Variants in AIG1 observed in about 807,000 individuals in gnomAD.
AIG1 encodes the protein androgen-induced gene 1 protein.
In AIG1, 23 loss-of-function variants were observed where a neutral mutation model predicts 31.4. That is an observed-to-expected ratio of 0.73 (90% CI 0.53 to 1.04). The LOEUF is 1.04. Among genes scored for constraint, AIG1 ranks in the 50% least tolerant of loss-of-function variants. AIG1 has a pLI of 0.00. For missense variants in AIG1, 274 were observed against 295.0 expected (o/e 0.93, Z 0.52); for synonymous variants, 100 against 110.5 (o/e 0.90, Z 0.60).
chr6:143,096,038 C>G (rs1409960423), intron 1 of AIG1, among the ~76,000 whole-genome samples: 1 of 151,496 alleles, frequency 6.6e-6, no homozygotes, highest in Non-Finnish European at 1.5e-5. Context: ...TCCCGAGTAG[C>G]TGGGACTACA....
At chr6:143,189,691 A>G in intron 3 of AIG1, 1 of 985,356 alleles carries the variant, frequency 1.0e-6, no homozygotes. Flanking sequence ...CTGTACCTAA[A>G]TGTTTTTAAC....
intron 4 of AIG1, among the ~76,000 whole-genome samples, chr6:143,295,507 C>T (rs1798363999): frequency 6.6e-6 from 1 of 152,190 alleles, no homozygotes; most frequent in Non-Finnish European, 1.5e-5. Context: ...TAGCTCCAGA[C>T]ACAGTGATCT....
intron 3 of AIG1, among the ~76,000 whole-genome samples, chr6:143,245,202 C>T (rs1794534859): frequency 6.6e-6 from 1 of 152,024 alleles, no homozygotes; most frequent in African/African-American, 2.4e-5. Flanking sequence ...AAAACACTTT[C>T]TCTCACATAC....
chr6:143,148,209 C>G (rs994053632), intron 2 of AIG1, among the ~76,000 whole-genome samples: 9 of 151,724 alleles, frequency 5.9e-5, no homozygotes, highest in Non-Finnish European at 1.3e-4. Context: ...GATTATAAAC[C>G]TATATTATGG....
At chr6:143,064,806 G>A (rs1776550473) in intron 1 of AIG1, among the ~76,000 whole-genome samples, 1 of 152,184 alleles carries the variant, frequency 6.6e-6, no homozygotes, top group African/African-American at 2.4e-5. Context: ...GTAAAGACTG[G>A]ACTGTCAAGC....
intron 1 of AIG1, among the ~76,000 whole-genome samples, chr6:143,071,609 A>G (rs1340462948): frequency 6.6e-6 from 1 of 151,932 alleles, no homozygotes; most frequent in Non-Finnish European, 1.5e-5. Flanking sequence ...GATGTTGTCA[A>G]TATTTTTAAT....
Position 143,258,943 on chromosome 6 carries a change from A to G in AIG1, c.400-25167A>G, listed in dbSNP as rs1795550958. Among the ~76,000 whole-genome samples the G allele has an allele frequency of 1.3e-5, 2 of 152,250 alleles. 1 individual carries two copies. Among genetic ancestry groups the G allele is most frequent in the South Asian group, 4.1e-4 (2 of 4,834 alleles). ...CTCTCATGGGAACCACATCCAAACC[A>G]TAGCAGAGGTCAACAGAGACCTTGG... is the stretch of plus-strand genomic sequence containing the variant. On this transcript the variant is annotated intron_variant, in intron 3 of 5. Transcript: ENST00000357847. The surrounding 1 kb of genome is among the most constrained non-coding windows in gnomAD (Gnocchi z 4.7).
intron 3 of AIG1, among the ~76,000 whole-genome samples, chr6:143,270,376 T>A (rs949362825): frequency 1.3e-5 from 2 of 152,226 alleles, no homozygotes; most frequent in African/African-American, 2.4e-5. Flanking sequence ...GAATTTGATG[T>A]AACAGAAATG....
chr6:143,318,258 C>T (rs754770405), intron 4 of AIG1, among the ~76,000 whole-genome samples: 27 of 152,214 alleles, frequency 1.8e-4, no homozygotes, highest in Admixed American at 9.2e-4. Flanking sequence ...GTCACCAAAA[C>T]GGCATGGTAC....
At chr6:143,342,766 G>A (rs1777882341), downstream of AIG1, 3 of 815,976 alleles carry the variant, frequency 3.7e-6, no homozygotes, top group East Asian at 2.4e-5. Flanking sequence ...TATCATAGCT[G>A]CAAACGTCCT....
At chr6:143,205,067 G>T (rs549044111) in intron 3 of AIG1, among the ~76,000 whole-genome samples, 1 of 152,160 alleles carries the variant, frequency 6.6e-6, no homozygotes, top group Non-Finnish European at 1.5e-5. Flanking sequence ...TGGCTGACTT[G>T]TTCAATGCTC....
At chr6:143,343,041 C>T (rs1390671541), downstream of AIG1, 3 of 800,984 alleles carry the variant, frequency 3.7e-6, no homozygotes, top group South Asian at 1.3e-5. Context: ...GTAAAGTTGC[C>T]ACACGAAGAT....
chr6:143,067,996 G>T (rs777345872), intron 1 of AIG1, among the ~76,000 whole-genome samples: 2 of 152,100 alleles, frequency 1.3e-5, no homozygotes, highest in Non-Finnish European at 2.9e-5. Context: ...CACCTTCTTT[G>T]CATGTTTCTT....
intron 2 of AIG1, among the ~76,000 whole-genome samples, chr6:143,145,506 T>C (rs1050154304): frequency 6.6e-6 from 1 of 151,382 alleles, no homozygotes; most frequent in African/African-American, 2.4e-5. Flanking sequence ...CCTCCCCCAG[T>C]GTATGTCTCT....
At chr6:143,119,005 C>T (rs1167544808) in intron 1 of AIG1, among the ~76,000 whole-genome samples, 1 of 152,002 alleles carries the variant, frequency 6.6e-6, no homozygotes, top group Non-Finnish European at 1.5e-5. Context: ...TCCTGAGTAG[C>T]TGGTACTACA....
intron 1 of AIG1, among the ~76,000 whole-genome samples, chr6:143,122,292 T>G (rs981014487): frequency 1.3e-5 from 2 of 152,214 alleles, no homozygotes; most frequent in Admixed American, 1.3e-4. Context: ...TATCCTTTCA[T>G]GGAGTGCTTT....
chr6:143,324,102 C>G (rs1776426108), intron 4 of AIG1, among the ~76,000 whole-genome samples: 2 of 152,166 alleles, frequency 1.3e-5, no homozygotes. Context: ...CTTATCCCAC[C>G]CTGGGGCACA....
chr6:143,268,143 A>G lies in AIG1; in HGVS notation c.400-15967A>G, dbSNP rs952573082. Among the ~76,000 whole-genome samples, 1 of 152,186 alleles carries G rather than the reference A, an allele frequency of 6.6e-6. No homozygotes were observed. Among genetic ancestry groups the G allele is most frequent in the Non-Finnish European group, 1.5e-5 (1 of 68,036 alleles). On this transcript the variant is annotated intron_variant, in intron 3 of 5. Transcript: ENST00000357847. The surrounding 1 kb of genome is among the most constrained non-coding windows in gnomAD (Gnocchi z 5.0). ...ACTTGATATATAAAGTTTGGGAAAT[A>G]AAGCCATTTAAAATATTGGTCTGTG...
chr6:143,257,079 G>A (rs1376812523), intron 3 of AIG1, among the ~76,000 whole-genome samples: 1 of 152,200 alleles, frequency 6.6e-6, no homozygotes, highest in Non-Finnish European at 1.5e-5. Flanking sequence ...CCAGTGAATG[G>A]CTATTTCTGA....
Sources: gnomAD v4.1 joint callset for allele counts (sites outside exome capture counted in the v4.1 genomes callset) on GRCh38, gnomAD v4.1.1 for gene constraint, Gnocchi (gnomAD v3.1) non-coding constraint, MANE v1.5 for transcripts, NCBI Gene and HGNC (gene_info 2026-07-23, HGNC 2026-07-21) for gene names.